TNFSF4: variants seen among roughly 807,000 people sequenced by gnomAD.
TNFSF4 encodes tumor necrosis factor ligand superfamily member 4.
In TNFSF4, 4 loss-of-function variants were observed where a neutral mutation model predicts 7.3. The ratio of observed to expected loss-of-function variants is 0.55; its 90% confidence interval spans 0.27 to 1.25. TNFSF4 has a LOEUF of 1.25. TNFSF4 is among the 50% of genes most tolerant of loss of function. TNFSF4 has a pLI of 0.12. For missense variants in TNFSF4, 181 were observed against 208.8 expected, an observed-to-expected ratio of 0.87 and a Z score of 0.82; for synonymous variants, 76 against 83.7, an observed-to-expected ratio of 0.91 and a Z score of 0.50.
the TNFSF4 span, among the ~76,000 whole-genome samples, chr1:173,287,037 G>A: frequency 6.6e-6 from 1 of 152,170 alleles, no homozygotes; most frequent in African/African-American, 2.4e-5. Context: ...ACCATAATGA[G>A]CTGGGCACAG....
At chr1:173,196,735 C>T (rs1331183668) in intron 1 of TNFSF4, among the ~76,000 whole-genome samples, 1 of 152,142 alleles carries the variant, frequency 6.6e-6, no homozygotes, top group Non-Finnish European at 1.5e-5. Context: ...CCTAATGCAC[C>T]AACTCTTCAT....
the TNFSF4 span, among the ~76,000 whole-genome samples, chr1:173,258,851 G>C: frequency 6.6e-6 from 1 of 152,056 alleles, no homozygotes; most frequent in Non-Finnish European, 1.5e-5. Flanking sequence ...ACAGAACTCT[G>C]ACCTCCCTGA....
chr1:173,345,944 T>C, the TNFSF4 span, among the ~76,000 whole-genome samples: 1 of 152,100 alleles, frequency 6.6e-6, no homozygotes, highest in East Asian at 1.9e-4. Context: ...TGTCATTTCA[T>C]TACCCCTAAG....
chr1:173,361,298 C>T, the TNFSF4 span, among the ~76,000 whole-genome samples: 1 of 152,074 alleles, frequency 6.6e-6, no homozygotes, highest in Non-Finnish European at 1.5e-5. Context: ...CTGTAGAGAC[C>T]CCTCCTTTCT....
chr1:173,365,364 T>C, the TNFSF4 span, among the ~76,000 whole-genome samples: 1 of 152,198 alleles, frequency 6.6e-6, no homozygotes, highest in African/African-American at 2.4e-5. Context: ...TATGGAAATA[T>C]GTTTTTTATT....
At chr1:173,340,382 C>A in the TNFSF4 span, among the ~76,000 whole-genome samples, 1 of 150,982 alleles carries the variant, frequency 6.6e-6, no homozygotes, top group Non-Finnish European at 1.5e-5. Context: ...CCTATTAGTT[C>A]TGTTTCTCTG....
the TNFSF4 span, among the ~76,000 whole-genome samples, chr1:173,350,824 C>T: frequency 6.6e-6 from 1 of 152,168 alleles, no homozygotes; most frequent in Non-Finnish European, 1.5e-5. Flanking sequence ...CTACTAATGA[C>T]CCCTTGGCCA....
At chr1:173,325,770 A>T in the TNFSF4 span, among the ~76,000 whole-genome samples, 3 of 152,356 alleles carry the variant, frequency 2.0e-5, no homozygotes, top group East Asian at 5.8e-4. Flanking sequence ...ATCTAGAAGA[A>T]ATGGAAAAAT....
intron 1 of TNFSF4, among the ~76,000 whole-genome samples, chr1:173,204,985 G>T (rs1650120462): frequency 6.6e-6 from 1 of 151,446 alleles, no homozygotes; most frequent in Non-Finnish European, 1.5e-5. Flanking sequence ...AAACTATCAG[G>T]TTCTAGGGAA....
At chr1:173,380,586 A>G in the TNFSF4 span, among the ~76,000 whole-genome samples, 1 of 151,908 alleles carries the variant, frequency 6.6e-6, no homozygotes, top group Non-Finnish European at 1.5e-5. Flanking sequence ...CAAACATACT[A>G]CCTGCATGAC....
At chr1:173,176,580 C>G in the TNFSF4 span, among the ~76,000 whole-genome samples, 1 of 152,142 alleles carries the variant, frequency 6.6e-6, no homozygotes, top group Non-Finnish European at 1.5e-5. Context: ...TCTCAAAGTT[C>G]TGAAAACAGA....
chr1:173,197,108 A>G (rs1234313), intron 1 of TNFSF4, among the ~76,000 whole-genome samples: 108,711 of 152,156 alleles, frequency 0.71, 39,940 homozygotes, highest in African/African-American at 0.87. Flanking sequence ...AACACTATAC[A>G]TTGCTCAAGG....
chr1:173,260,986 G>GCTGTTAGATGGCC, the TNFSF4 span, among the ~76,000 whole-genome samples: 3 of 152,110 alleles, frequency 2.0e-5, no homozygotes, highest in Non-Finnish European at 4.4e-5. Context: ...GAATCAAGTG[G>GCTGTTAGATGGCC]ACCTGTTAGA....
At chr1:173,245,724 C>A in the TNFSF4 span, among the ~76,000 whole-genome samples, 14 of 152,116 alleles carry the variant, frequency 9.2e-5, no homozygotes, top group African/African-American at 3.4e-4. Flanking sequence ...ACCTGTTGAC[C>A]AAAATCTCCC....
At chr1:173,229,450 A>G in the TNFSF4 span, among the ~76,000 whole-genome samples, 4 of 152,236 alleles carry the variant, frequency 2.6e-5, no homozygotes, top group Non-Finnish European at 4.4e-5. Flanking sequence ...CATGGAAAGG[A>G]ACAACCAGTA....
chr1:173,275,917 T>C, the TNFSF4 span, among the ~76,000 whole-genome samples: 1 of 152,112 alleles, frequency 6.6e-6, no homozygotes, highest in Admixed American at 6.5e-5. Context: ...ATTTAGCCCT[T>C]TAAAACTTCC....
At chr1:173,369,407 C>T in the TNFSF4 span, among the ~76,000 whole-genome samples, 3 of 152,158 alleles carry the variant, frequency 2.0e-5, no homozygotes, top group African/African-American at 4.8e-5. Context: ...GAGAATGCTT[C>T]GGTAAGGGCC....
At chr1:173,349,007 T>C in the TNFSF4 span, among the ~76,000 whole-genome samples, 2 of 152,162 alleles carry the variant, frequency 1.3e-5, no homozygotes, top group Non-Finnish European at 2.9e-5. Flanking sequence ...TAAGTTTCCC[T>C]TGCTTCCTTG....
the TNFSF4 span, among the ~76,000 whole-genome samples, chr1:173,307,932 C>T: frequency 6.6e-6 from 1 of 151,808 alleles, no homozygotes; most frequent in Non-Finnish European, 1.5e-5. Context: ...CATGATTAGG[C>T]TCATAATATA....
Sources: gnomAD v4.1 joint callset for allele counts (sites outside exome capture counted in the v4.1 genomes callset) on GRCh38, gnomAD v4.1.1 for gene constraint, MANE v1.5 for transcripts, NCBI Gene and HGNC (gene_info 2026-07-23, HGNC 2026-07-21) for gene names.